Variants in CNTNAP5 observed in about 807,000 individuals in gnomAD.
CNTNAP5 encodes contactin associated protein family member 5.
In CNTNAP5, 72 loss-of-function variants were observed where a neutral mutation model predicts 150.2. That is an observed-to-expected ratio of 0.48 (90% CI 0.40 to 0.58). CNTNAP5 has a LOEUF of 0.58. Among genes scored for constraint, CNTNAP5 ranks in the 20% least tolerant of loss-of-function variants. The pLI is 0.00. For missense variants in CNTNAP5, 1,636 were observed against 1,626.2 expected (o/e 1.01, Z -0.10); for synonymous variants, 672 against 619.8 (o/e 1.08, Z -1.25).
chr2:124,791,693 CTTTTTT>C (rs538796535), intron 18 of CNTNAP5, among the ~76,000 whole-genome samples: 2 of 115,382 alleles, frequency 1.7e-5, no homozygotes, highest in African/African-American at 3.2e-5. Flanking sequence ...AGCCTAATTT[CTTTTTT>C]TTTTTTTTTT....
At chr2:124,874,391 T>A (rs1677811703) in intron 21 of CNTNAP5, among the ~76,000 whole-genome samples, 1 of 152,142 alleles carries the variant, frequency 6.6e-6, no homozygotes, top group African/African-American at 2.4e-5. Context: ...TCAAACATAG[T>A]GTGCTTTATC....
intron 12 of CNTNAP5, among the ~76,000 whole-genome samples, chr2:124,627,735 T>G (rs1242471862): frequency 2.0e-5 from 3 of 152,032 alleles, no homozygotes; most frequent in Non-Finnish European, 4.4e-5. Flanking sequence ...CTGACAGAAA[T>G]AGACTTCAGA....
intron 1 of CNTNAP5, among the ~76,000 whole-genome samples, chr2:124,097,036 A>G (rs1682955085): frequency 6.6e-6 from 1 of 152,030 alleles, no homozygotes; most frequent in African/African-American, 2.4e-5. Flanking sequence ...TTCTTTGTTG[A>G]ACTGGACCAT....
chr2:124,604,692 C>T (rs569955836), intron 11 of CNTNAP5, among the ~76,000 whole-genome samples: 3 of 152,216 alleles, frequency 2.0e-5, no homozygotes, highest in East Asian at 3.9e-4. Flanking sequence ...GGGCAAAGTA[C>T]TTATATTTTA....
intron 3 of CNTNAP5, among the ~76,000 whole-genome samples, chr2:124,277,935 T>A (rs1452178194): frequency 2.0e-5 from 3 of 152,164 alleles, no homozygotes; most frequent in Non-Finnish European, 4.4e-5. Flanking sequence ...CTGCCCTTGT[T>A]ACCTTCCCAT....
chr2:124,041,355 A>G (rs1681367157), intron 1 of CNTNAP5, among the ~76,000 whole-genome samples: 1 of 152,196 alleles, frequency 6.6e-6, no homozygotes, highest in South Asian at 2.1e-4. Flanking sequence ...AGGAAATAAA[A>G]ATACCTCACT....
intron 13 of CNTNAP5, among the ~76,000 whole-genome samples, chr2:124,743,474 C>A (rs1680541335): frequency 6.6e-6 from 1 of 152,150 alleles, no homozygotes; most frequent in African/African-American, 2.4e-5. Flanking sequence ...CCCCAGGAAG[C>A]AGGCTCTATG....
At chr2:124,700,022 T>C (rs919909023) in intron 13 of CNTNAP5, among the ~76,000 whole-genome samples, 1 of 152,204 alleles carries the variant, frequency 6.6e-6, no homozygotes, top group African/African-American at 2.4e-5. Flanking sequence ...TCTTCTCCTC[T>C]AAGCCTTTGG....
rs1409860866 is a variant in CNTNAP5 at position 124,914,316 on chromosome 2, T to C, written c.*28T>C. On this transcript the variant is annotated 3_prime_UTR_variant, in exon 24 of 24. Transcript: ENST00000682447. ...AACTGCAGGGTTCCTACTACTCTTT[T>C]TTCTTGTTGTTCAATTATCTCCTCC... The C allele has an allele frequency of 6.6e-7, 1 of 1,517,358 alleles. No homozygotes were observed. The highest frequency in any genetic ancestry group is 1.2e-5 in the South Asian group (1 of 86,444). 94.0% of individuals were successfully genotyped at this position (1,517,358 alleles called of 1,614,324 possible).
At chr2:124,613,511 G>A (rs1677431133) in intron 12 of CNTNAP5, among the ~76,000 whole-genome samples, 1 of 152,176 alleles carries the variant, frequency 6.6e-6, no homozygotes, top group African/African-American at 2.4e-5. Context: ...GCTTTTCTTT[G>A]AGGTTCCAGA....
chr2:124,358,086 A>C (rs893579188), intron 3 of CNTNAP5, among the ~76,000 whole-genome samples: 1 of 152,078 alleles, frequency 6.6e-6, no homozygotes, highest in Non-Finnish European at 1.5e-5. Context: ...ATGGGAGTTC[A>C]CTCATGGTTT....
intron 3 of CNTNAP5, among the ~76,000 whole-genome samples, chr2:124,389,243 T>C (rs1348364004): frequency 6.6e-6 from 1 of 152,206 alleles, no homozygotes; most frequent in Non-Finnish European, 1.5e-5. Flanking sequence ...AAATATGTGT[T>C]GCTACAACTT....
chr2:124,266,897 G>T (rs1687619103), intron 3 of CNTNAP5, among the ~76,000 whole-genome samples: 1 of 151,760 alleles, frequency 6.6e-6, no homozygotes. Flanking sequence ...CACCCCCATA[G>T]AATAGAAATT....
chr2:124,620,245 C>T (rs1677583301), intron 12 of CNTNAP5, among the ~76,000 whole-genome samples: 1 of 151,978 alleles, frequency 6.6e-6, no homozygotes, highest in South Asian at 2.1e-4. Flanking sequence ...TCTATCTTTC[C>T]CGTTTTTTTC....
chr2:124,452,321 CCTT>C (rs1693003771), intron 6 of CNTNAP5, among the ~76,000 whole-genome samples: 1 of 152,076 alleles, frequency 6.6e-6, no homozygotes. Context: ...CACCCATAAT[CCTT>C]CTAGGAACAT....
chr2:124,637,780 C>G (rs918939834), intron 12 of CNTNAP5, among the ~76,000 whole-genome samples: 4 of 152,094 alleles, frequency 2.6e-5, no homozygotes, highest in African/African-American at 9.7e-5. Context: ...CTCCATCTCC[C>G]CTTGTGTCGT....
At chr2:124,609,947 C>T in intron 12 of CNTNAP5, 27 bp downstream of exon 12, 2 of 1,591,560 alleles carry the variant, frequency 1.3e-6, no homozygotes, top group South Asian at 1.1e-5. Flanking sequence ...CCTACTCACA[C>T]TTAACCACCC....
Position 124,446,903 on chromosome 2 carries a change from A to C in CNTNAP5, c.884A>C (p.Lys295Thr). The C allele has an allele frequency of 6.2e-7, 1 of 1,613,862 alleles. No individual in the cohort carries two copies. ...VDKHTQHFRT[K>T]GETDALDIDY... ...AAGCACACACAGCACTTCCGCACCA[A>C]GGGCGAGACGGATGCCTTAGACATT... is the stretch of plus-strand genomic sequence containing the variant. The change falls in exon 6 of 24, where the codon AAG becomes ACG. Residue 295 changes from lysine (K) to threonine (T), a missense_variant. Coordinates refer to ENST00000682447, the MANE Select transcript of CNTNAP5 (RefSeq NM_001367498.1).
intron 3 of CNTNAP5, among the ~76,000 whole-genome samples, chr2:124,410,687 C>G (rs1437647555): frequency 6.6e-6 from 1 of 151,518 alleles, no homozygotes; most frequent in Non-Finnish European, 1.5e-5. Context: ...CCAGCGAGAA[C>G]AAAGACACAA....
Sources: gnomAD v4.1 joint callset for allele counts (sites outside exome capture counted in the v4.1 genomes callset) on GRCh38, gnomAD v4.1.1 for gene constraint, MANE v1.5 for transcripts, NCBI Gene and HGNC (gene_info 2026-07-23, HGNC 2026-07-21) for gene names.